Variants in ARMC12 observed in about 807,000 individuals in gnomAD.
The protein encoded by ARMC12 is armadillo repeat-containing protein 12.
A neutral mutation model predicts 37.4 loss-of-function variants in ARMC12; 25 were observed. The observed-to-expected ratio is 0.67, with a 90% CI of 0.49 to 0.93. ARMC12 has a LOEUF of 0.93. Among genes scored for constraint, ARMC12 ranks in the 40% least tolerant of loss-of-function variants. The pLI, the probability that ARMC12 is intolerant of heterozygous loss-of-function variation, is 0.00. For missense variants in ARMC12, 384 were observed against 426.6 expected (o/e 0.90, Z 0.88); for synonymous variants, 167 against 176.1 (o/e 0.95, Z 0.41).
intron 3 of ARMC12, among the ~76,000 whole-genome samples, chr6:35,744,125 G>C (rs567289251): frequency 6.6e-6 from 1 of 152,142 alleles, no homozygotes; most frequent in East Asian, 1.9e-4. Flanking sequence ...TGCAGACTGG[G>C]AGAGTGTATT....
intron 3 of ARMC12, 115 bp downstream of exon 3, chr6:35,738,633 C>A: frequency 7.1e-7 from 1 of 1,401,508 alleles, no homozygotes; most frequent in Non-Finnish European, 9.6e-7. Flanking sequence ...GAATTTGTAA[C>A]CCAGAAATAA....
chr6:35,748,577 T>C lies in ARMC12; in HGVS notation c.730T>C (p.Ser244Pro). The change falls in exon 6 of 6, where the codon TCA becomes CCA. Residue 244 changes from serine (S) to proline (P), a missense_variant. By Grantham distance (74) the Ser-to-Pro change is moderately conservative. Transcript: ENST00000373866. Reference protein sequence around the residue: ...NFLNLFQPTQSGSLLYEVLVF... With the variant: ...NFLNLFQPTQPGSLLYEVLVF... Reference sequence around the variant, plus strand: ...CCTAAACCTGTTCCAGCCCACACAGTCAGGGAGTCTCCTGTATGAGGTACT... The same window carrying C: ...CCTAAACCTGTTCCAGCCCACACAGCCAGGGAGTCTCCTGTATGAGGTACT... 1 of 1,566,028 alleles carries C rather than the reference T, an allele frequency of 6.4e-7. No individual in the cohort carries two copies. The highest frequency in any genetic ancestry group is 8.7e-7 in the Non-Finnish European group (1 of 1,153,764).
intron 3 of ARMC12, among the ~76,000 whole-genome samples, chr6:35,740,897 G>GTTTTTTTTT (rs11365534): frequency 8.6e-6 from 1 of 116,394 alleles, no homozygotes; most frequent in East Asian, 2.3e-4. Flanking sequence ...CTTCCTTCTG[G>GTTTTTTTTT]TTTTTTTTTT....
At position 35,743,216 on chromosome 6, in the gene ARMC12, C is replaced by CTT. The variant is rs35053737; in HGVS notation, c.445-4029_445-4028dup. Among the ~76,000 whole-genome samples the CTT allele has an allele frequency of 2.3e-3, 324 of 140,038 alleles. 6 individuals carry two copies. Among genetic ancestry groups the CTT allele is most frequent in the Admixed American group, 1.1e-3 (15 of 13,868 alleles). 91.9% of individuals were successfully genotyped at this position (140,038 alleles called of 152,430 possible). On this transcript the variant is annotated intron_variant, in intron 3 of 5. Transcript: ENST00000373866. ...AATGCCTCTAGGTCCAAGCATCTTA[C>CTT]TTTTTTTTTTTTTTTTTGAGACGGA...
chr6:35,737,176 C>T lies in ARMC12; in HGVS notation c.68C>T (p.Thr23Ile). 1 of 1,614,272 alleles carries T rather than the reference C, an allele frequency of 6.2e-7. No homozygotes were observed. The highest frequency in any genetic ancestry group is 8.5e-7 in the Non-Finnish European group (1 of 1,180,048). ...CGCAAAAGCGTAGTCAGCCTGGCCA[C>T]AGGCGCCGGGGCGATCTACCTGCTC... ...DIRKSVVSLA[T>I]GAGAIYLLYK... The change falls in exon 1 of 6, where the codon ACA (threonine) becomes ATA (isoleucine). Residue 23 changes from threonine (T) to isoleucine (I), a missense_variant. Physicochemically the swap from Thr to Ile is moderately conservative, Grantham distance 89. Coordinates refer to ENST00000373866, the MANE Select transcript of ARMC12 (RefSeq NM_001286574.2).
upstream of ARMC12, among the ~76,000 whole-genome samples, chr6:35,736,154 C>A (rs1014487240): frequency 6.6e-6 from 1 of 152,168 alleles, no homozygotes; most frequent in African/African-American, 2.4e-5. Context: ...GCTGGAGATG[C>A]AAAGGTAGCT....
the ARMC12 span, among the ~76,000 whole-genome samples, chr6:35,731,922 A>G: frequency 6.6e-6 from 1 of 152,086 alleles, no homozygotes; most frequent in Non-Finnish European, 1.5e-5. Flanking sequence ...GCGGGAGAGA[A>G]AGAGTTAAAC....
rs146952090 is a variant in ARMC12, at chr6:35,741,566, G to A, written c.444+3048G>A. Reference sequence around the variant, plus strand: ...AGTAGCTGGAATCACAGGCGTGCGCGCACCACCATGCCTGGCTAATTTTTT... The same window carrying A: ...AGTAGCTGGAATCACAGGCGTGCGCACACCACCATGCCTGGCTAATTTTTT... On this transcript the variant is annotated intron_variant, in intron 3 of 5. Coordinates refer to ENST00000373866, the MANE Select transcript of ARMC12 (RefSeq NM_001286574.2). Among the ~76,000 whole-genome samples, 311 of 151,924 alleles carry A rather than the reference G, an allele frequency of 2.0e-3. 4 individuals carry two copies. The highest frequency in any genetic ancestry group is 7.1e-3 in the African/African-American group (293 of 41,420).
At chr6:35,735,583 G>C (rs58429232), upstream of ARMC12, among the ~76,000 whole-genome samples, 633 of 152,172 alleles carry the variant, frequency 4.2e-3, 6 homozygotes, top group African/African-American at 0.014. The surrounding 1 kb of genome is among the most constrained non-coding windows in gnomAD (Gnocchi z 4.0). Flanking sequence ...TTCTGTCCCA[G>C]TTCTCCCAAA....
chr6:35,746,037 C>T (rs144825908), intron 3 of ARMC12, among the ~76,000 whole-genome samples: 5 of 149,886 alleles, frequency 3.3e-5, no homozygotes, highest in Non-Finnish European at 5.9e-5. Flanking sequence ...CAGAGTGAGA[C>T]GGTCTCCAAT....
the ARMC12 span, among the ~76,000 whole-genome samples, chr6:35,731,949 G>T: frequency 1.3e-5 from 2 of 152,196 alleles, no homozygotes; most frequent in Non-Finnish European, 2.9e-5. Flanking sequence ...CCGGCGCCGG[G>T]CGCGGCGGGA....
upstream of ARMC12, chr6:35,736,697 T>G: frequency 4.7e-6 from 1 of 211,622 alleles, no homozygotes; most frequent in South Asian, 7.1e-5. Context: ...AACCTCAACC[T>G]CCCAGGCTTA....
At chr6:35,747,237 C>A in intron 3 of ARMC12, 24 bp from the exon 4 acceptor site, 1 of 1,600,858 alleles carries the variant, frequency 6.2e-7, no homozygotes, top group Non-Finnish European at 8.5e-7. Flanking sequence ...TAAAAGTAAG[C>A]CCTTTTGTTC....
At chr6:35,734,472 C>T (rs529607021), upstream of ARMC12, among the ~76,000 whole-genome samples, 6 of 152,304 alleles carry the variant, frequency 3.9e-5, no homozygotes, top group Admixed American at 2.6e-4. Context: ...TAAGAAAATA[C>T]ATTTTAATTC....
chr6:35,734,211 G>C (rs556817710), upstream of ARMC12, among the ~76,000 whole-genome samples: 1 of 152,292 alleles, frequency 6.6e-6, no homozygotes, highest in African/African-American at 2.4e-5. Flanking sequence ...CCAGGCTGGA[G>C]TGCAGTGGCA....
At chr6:35,745,131 G>C (rs1767298320) in intron 3 of ARMC12, among the ~76,000 whole-genome samples, 1 of 152,118 alleles carries the variant, frequency 6.6e-6, no homozygotes, top group Non-Finnish European at 1.5e-5. Flanking sequence ...CTTTATCCTA[G>C]AGAAATGAAA....
upstream of ARMC12, among the ~76,000 whole-genome samples, chr6:35,734,670 C>T (rs748139226): frequency 1.8e-4 from 28 of 152,012 alleles, no homozygotes; most frequent in African/African-American, 6.0e-4. Flanking sequence ...GGTGTGGTGG[C>T]GCATGCCTGT....
Position 35,748,953 on chromosome 6 carries a change from G to A in ARMC12, c.*83G>A, listed in dbSNP as rs1561926870. The stretch of plus-strand genomic sequence containing the variant: ...GAATGTCTGTTGGTGGCCTTCCAGG[G>A]CTGGGTGGAGATTTCATTCAGCATA... On this transcript the variant is annotated 3_prime_UTR_variant, in exon 6 of 6. Coordinates refer to ENST00000373866, the MANE Select transcript of ARMC12 (RefSeq NM_001286574.2). 7.3e-7 allele frequency: 1 copy of A among 1,375,702 alleles called. No individual in the cohort carries two copies. The highest frequency in any genetic ancestry group is 2.4e-5 in the Admixed American group (1 of 40,892). The allele number at this position is 1,375,702 out of a possible 1,614,324, so 85.2% of individuals were successfully genotyped here.
At chr6:35,748,277 T>G (rs1452469306) in intron 5 of ARMC12, among the ~76,000 whole-genome samples, 1 of 152,114 alleles carries the variant, frequency 6.6e-6, no homozygotes, top group African/African-American at 2.4e-5. Context: ...ACACAATACT[T>G]AAGAAAATTA....
Sources: allele counts gnomAD v4.1 joint callset (sites outside exome capture counted in the v4.1 genomes callset), GRCh38; gene constraint gnomAD v4.1.1; non-coding constraint Gnocchi (gnomAD v3.1); transcripts MANE v1.5; gene names NCBI Gene and HGNC (gene_info 2026-07-23, HGNC 2026-07-21).